POLA1: variants seen among roughly 807,000 people sequenced by gnomAD.
The protein encoded by POLA1 is DNA polymerase alpha 1, catalytic subunit, also known as DNA polymerase alpha catalytic subunit.
POLA1 carries 15 observed loss-of-function variants against 124.0 expected under a neutral mutation model. The ratio of observed to expected loss-of-function variants is 0.12; its 90% confidence interval spans 0.08 to 0.19. The LOEUF (loss-of-function observed/expected upper bound fraction) is 0.19, where lower values mean the gene tolerates loss of function less well. Ranked by LOEUF, POLA1 falls within the 10% of genes least tolerant of loss-of-function variation. The pLI is 1.00. For missense variants in POLA1, 886 were observed against 1,103.4 expected, an observed-to-expected ratio of 0.80 and a Z score of 2.79; for synonymous variants, 408 against 389.4, an observed-to-expected ratio of 1.05 and a Z score of -0.56.
At chrX:24,759,450 T>G (rs1020180185) in intron 26 of POLA1, among the ~76,000 whole-genome samples, 6 of 112,040 alleles carry the variant, frequency 5.4e-5, no homozygotes, top group Admixed American at 9.5e-5. Context: ...TTTGTTTGCC[T>G]TACCTCTGGG....
chrX:24,783,564 A>G (rs2045306264), intron 26 of POLA1, among the ~76,000 whole-genome samples: 1 of 112,099 alleles, frequency 8.9e-6, no homozygotes, highest in African/African-American at 3.2e-5. Flanking sequence ...TCTTTTATGG[A>G]CAAATTTAAT....
chrX:24,783,152 A>G lies in POLA1; in HGVS notation c.2965-26746A>G, dbSNP rs1471324246. ...AAAGTACTACTCAGTTTGCTGTTAA[A>G]AAAAGTAAACGAAGTTAAGACCCAG... On this transcript the variant is annotated intron_variant, in intron 26 of 36. Transcript: ENST00000379068. Among the ~76,000 whole-genome samples the G allele has an allele frequency of 3.6e-5, 4 of 110,642 alleles. No homozygotes were observed. The South Asian group carries it at 1.6e-3, about 43-fold the overall frequency.
At chrX:24,722,778 C>T (rs890212005) in intron 10 of POLA1, among the ~76,000 whole-genome samples, 1 of 111,672 alleles carries the variant, frequency 9.0e-6, no homozygotes, top group East Asian at 2.8e-4. Context: ...GTCTCAAACT[C>T]CTGAGCTCAA....
chrX:24,756,018 T>C (rs1383277701), intron 26 of POLA1, among the ~76,000 whole-genome samples: 1 of 111,519 alleles, frequency 9.0e-6, no homozygotes, highest in Non-Finnish European at 1.9e-5. Context: ...CCCTACCCAT[T>C]TGTTTATGGC....
intron 36 of POLA1, among the ~76,000 whole-genome samples, chrX:24,944,078 G>A (rs183459525): frequency 8.9e-6 from 1 of 112,029 alleles, no homozygotes; most frequent in East Asian, 2.8e-4. Flanking sequence ...ATCTCAACAA[G>A]ATTAGCTGAC....
At chrX:24,748,023 C>T (rs5944674) in intron 24 of POLA1, among the ~76,000 whole-genome samples, 24,998 of 110,892 alleles carry the variant, frequency 0.23, 2,057 homozygotes, top group South Asian at 0.35. Context: ...TGTGAGCCAC[C>T]GTGCCCGGCC....
In POLA1 at chrX:24,843,632, C is replaced by T. The variant is rs141666924; in HGVS notation, c.4002C>T (p.Asn1334=). ...TGACCTTTACAGTACAACTGAGCAACAAATTGATCATGGACATTAGACGTT... is the reference window on the plus strand; with the variant it reads ...TGACCTTTACAGTACAACTGAGCAATAAATTGATCATGGACATTAGACGTT... ...SPLTFTVQLS[N]KLIMDIRRFI... The change falls in exon 34 of 37, where the codon AAC becomes AAT. Residue 1334 remains asparagine, a synonymous_variant. Coordinates refer to ENST00000379068, the MANE Select transcript of POLA1 (RefSeq NM_001330360.2). 101 of 1,181,722 alleles carry T rather than the reference C, an allele frequency of 8.5e-5. No homozygotes were observed. The highest frequency in any genetic ancestry group is 4.7e-4 in the Middle Eastern group (2 of 4,293).
intron 36 of POLA1, among the ~76,000 whole-genome samples, chrX:24,965,040 C>T (rs2048207478): frequency 9.0e-6 from 1 of 111,556 alleles, no homozygotes; most frequent in African/African-American, 3.3e-5. Flanking sequence ...CCTAGTTAAC[C>T]TTGTAAATCC....
intron 35 of POLA1, among the ~76,000 whole-genome samples, chrX:24,901,989 C>T (rs907088772): frequency 3.6e-5 from 4 of 110,036 alleles, no homozygotes; most frequent in East Asian, 2.9e-4. Flanking sequence ...AACCCCTCTG[C>T]GCGTGCATGT....
At chrX:24,876,684 G>GT (rs1454092379) in intron 34 of POLA1, among the ~76,000 whole-genome samples, 1 of 95,989 alleles carries the variant, frequency 1.0e-5, no homozygotes, top group African/African-American at 5.2e-5. Flanking sequence ...CTGGGGTCGG[G>GT]GGGGGGGATA....
intron 26 of POLA1, among the ~76,000 whole-genome samples, chrX:24,758,199 A>C (rs1321205640): frequency 9.0e-6 from 1 of 111,594 alleles, no homozygotes; most frequent in Non-Finnish European, 1.9e-5. Flanking sequence ...ATATGCTTGC[A>C]TTATAATAAA....
At chrX:24,887,223 A>G (rs1461352640) in intron 34 of POLA1, among the ~76,000 whole-genome samples, 1 of 112,318 alleles carries the variant, frequency 8.9e-6, no homozygotes, top group African/African-American at 3.2e-5. Context: ...TCTTAGGTAT[A>G]TTCTTATCAC....
chrX:24,919,085 G>T (rs141040071), intron 35 of POLA1, among the ~76,000 whole-genome samples: 37 of 111,921 alleles, frequency 3.3e-4, no homozygotes, highest in Admixed American at 7.6e-4. Flanking sequence ...ATTTAATTAA[G>T]AAGTAGAGCC....
intron 31 of POLA1, 139 bp from the exon 32 acceptor site, chrX:24,826,288 G>A: frequency 2.5e-6 from 1 of 404,745 alleles, no homozygotes; most frequent in Admixed American, 4.7e-5. Flanking sequence ...GTCAAAAAGA[G>A]GTCTTGATGT....
At chrX:24,703,923 C>T (rs1928630820) in intron 3 of POLA1, among the ~76,000 whole-genome samples, 1 of 111,998 alleles carries the variant, frequency 8.9e-6, no homozygotes, top group Non-Finnish European at 1.9e-5. Context: ...TAGGGTCTGA[C>T]TTCATGGCCA....
chrX:24,957,541 C>T (rs1023139868), intron 36 of POLA1, among the ~76,000 whole-genome samples: 3 of 111,186 alleles, frequency 2.7e-5, no homozygotes, highest in South Asian at 3.8e-4. Flanking sequence ...GATGAATATC[C>T]GCACTGTCTA....
At chrX:24,725,747 C>T (rs1056694427) in intron 12 of POLA1, among the ~76,000 whole-genome samples, 9 of 111,449 alleles carry the variant, frequency 8.1e-5, no homozygotes, top group African/African-American at 2.9e-4. Context: ...TTTTTATTGC[C>T]CCTCTTGCAT....
intron 36 of POLA1, among the ~76,000 whole-genome samples, chrX:24,975,512 T>G (rs2048356232): frequency 8.9e-6 from 1 of 112,304 alleles, no homozygotes; most frequent in Non-Finnish European, 1.9e-5. Context: ...GCAAATCTCT[T>G]TATTCTCTGG....
chrX:24,868,556 T>G (rs2046825133), intron 34 of POLA1, among the ~76,000 whole-genome samples: 1 of 112,087 alleles, frequency 8.9e-6, no homozygotes, highest in South Asian at 3.7e-4. Context: ...TGAAAACTCT[T>G]GTTTCCAGTA....
Sources: gnomAD v4.1 joint callset for allele counts (sites outside exome capture counted in the v4.1 genomes callset) on GRCh38, gnomAD v4.1.1 for gene constraint, MANE v1.5 for transcripts, NCBI Gene and HGNC (gene_info 2026-07-23, HGNC 2026-07-21) for gene names.